The following RCL1 variants were observed in gnomAD, a reference collection of about 807,000 sequenced individuals.
RCL1 encodes the protein RNA 3'-terminal phosphate cyclase-like protein.
A neutral mutation model predicts 42.4 loss-of-function variants in RCL1; 24 were observed. The ratio of observed to expected loss-of-function variants is 0.57; its 90% CI spans 0.41 to 0.80. RCL1 has a LOEUF of 0.80. RCL1 is among the 30% of genes least tolerant of loss of function. The pLI is 0.00. For synonymous variants in RCL1, 228 were observed against 177.3 expected (o/e 1.29, Z -2.27); for missense variants, 578 against 467.9 (o/e 1.24, Z -2.17).
chr9:4,836,737 T>C (rs1817150013), intron 5 of RCL1: 2 of 152,338 alleles, frequency 1.3e-5, no homozygotes, highest in South Asian at 4.1e-4. Context: ...GTGGACTGTC[T>C]TTTCAGAGGC....
intron 2 of RCL1, among the ~76,000 whole-genome samples, chr9:4,826,597 A>G (rs1001953984): frequency 7.2e-5 from 11 of 152,118 alleles, no homozygotes; most frequent in African/African-American, 2.4e-4. Context: ...CCCTGCCATG[A>G]CTCTGGCAAC....
chr9:4,837,954 T>C (rs552796666), intron 5 of RCL1, among the ~76,000 whole-genome samples: 1 of 152,248 alleles, frequency 6.6e-6, no homozygotes, highest in Non-Finnish European at 1.5e-5. Context: ...GATCCCTGTC[T>C]GTTAACCAAA....
At chr9:4,796,436 C>A (rs148316353) in intron 1 of RCL1, among the ~76,000 whole-genome samples, 1 of 152,210 alleles carries the variant, frequency 6.6e-6, no homozygotes, top group African/African-American at 2.4e-5. Context: ...CAGAGTCTCA[C>A]TCTGTCATGA....
chr9:4,836,297 A>G (rs1271038806), intron 5 of RCL1, among the ~76,000 whole-genome samples: 2 of 152,104 alleles, frequency 1.3e-5, no homozygotes, highest in Non-Finnish European at 2.9e-5. Flanking sequence ...GGTGGGTCCT[A>G]CAGGAGGACA....
intron 1 of RCL1, among the ~76,000 whole-genome samples, chr9:4,810,096 A>G (rs1225319902): frequency 1.3e-5 from 2 of 152,126 alleles, no homozygotes; most frequent in African/African-American, 2.4e-5. Flanking sequence ...CCAAAGTGCT[A>G]AGATTACAGG....
intron 1 of RCL1, among the ~76,000 whole-genome samples, chr9:4,818,694 G>A (rs366182): frequency 0.39 from 59,702 of 151,758 alleles, 12,504 homozygotes; most frequent in South Asian, 0.48. Context: ...CATCCTGTCC[G>A]GCATGGTGAA....
At chr9:4,836,908 G>A (rs898801195) in intron 5 of RCL1, 10 of 152,126 alleles carry the variant, frequency 6.6e-5, no homozygotes, top group African/African-American at 2.4e-4. Flanking sequence ...TAATAACAAA[G>A]CCTTCCTGGG....
At chr9:4,835,208 A>G (rs1817081466) in intron 5 of RCL1, among the ~76,000 whole-genome samples, 1 of 152,238 alleles carries the variant, frequency 6.6e-6, no homozygotes, top group Non-Finnish European at 1.5e-5. Context: ...GGAATCAGAT[A>G]CTATGCAGAA....
chr9:4,854,095 C>T (rs1017359279), intron 8 of RCL1, among the ~76,000 whole-genome samples: 4 of 152,104 alleles, frequency 2.6e-5, no homozygotes, highest in Non-Finnish European at 5.9e-5. Flanking sequence ...ATGTTTGAGC[C>T]CTAGAACATA....
At chr9:4,830,483 T>C (rs926705171) in intron 3 of RCL1, among the ~76,000 whole-genome samples, 2 of 152,134 alleles carry the variant, frequency 1.3e-5, no homozygotes, top group African/African-American at 4.8e-5. Context: ...GGCAAGAGAA[T>C]AGAAAGTGGG....
intron 1 of RCL1, among the ~76,000 whole-genome samples, chr9:4,814,460 G>A (rs1816301256): frequency 6.6e-6 from 1 of 152,024 alleles, no homozygotes; most frequent in South Asian, 2.1e-4. Context: ...AGAGATGGCG[G>A]TCTCGCTTTG....
intron 3 of RCL1, among the ~76,000 whole-genome samples, chr9:4,831,313 T>A (rs1179111129): frequency 1.3e-5 from 2 of 152,192 alleles, no homozygotes; most frequent in Non-Finnish European, 2.9e-5. Flanking sequence ...TTTTTCACCT[T>A]TTTTTCCCTC....
chr9:4,835,388 C>G (rs181413500), intron 5 of RCL1, among the ~76,000 whole-genome samples: 13 of 152,282 alleles, frequency 8.5e-5, no homozygotes, highest in African/African-American at 3.1e-4. Context: ...GGGGGAAAAG[C>G]TGAGGGACTC....
At chr9:4,858,203 T>C (rs1818029899) in intron 8 of RCL1, among the ~76,000 whole-genome samples, 1 of 152,150 alleles carries the variant, frequency 6.6e-6, no homozygotes. Context: ...AGGTTATTTG[T>C]CTTTTTATTA....
At chr9:4,847,672 A>G (rs1441996104) in intron 7 of RCL1, among the ~76,000 whole-genome samples, 2 of 152,216 alleles carry the variant, frequency 1.3e-5, no homozygotes, top group Non-Finnish European at 2.9e-5. Context: ...TCATGTGCAC[A>G]GAGACCTTCA....
At chr9:4,819,752 A>C (rs1816524317) in intron 1 of RCL1, among the ~76,000 whole-genome samples, 1 of 152,242 alleles carries the variant, frequency 6.6e-6, no homozygotes, top group Non-Finnish European at 1.5e-5. Flanking sequence ...GGTTGCAGTG[A>C]GCCAAGATCG....
intron 8 of RCL1, among the ~76,000 whole-genome samples, chr9:4,856,606 C>T (rs1271901353): frequency 6.6e-6 from 1 of 152,126 alleles, no homozygotes; most frequent in African/African-American, 2.4e-5. Context: ...TTTAATTAGA[C>T]ACCATGAGCA....
At chr9:4,817,186 TTTA>T (rs1277846331) in intron 1 of RCL1, among the ~76,000 whole-genome samples, 2 of 152,186 alleles carry the variant, frequency 1.3e-5, no homozygotes, top group Admixed American at 1.3e-4. Flanking sequence ...ACCTTTTCTG[TTTA>T]TTATTTGAAA....
chr9:4,827,747 T>TGCAC lies in RCL1; in HGVS notation c.384+715_384+716insCACG, dbSNP rs767678265. On this transcript the variant is annotated intron_variant, in intron 3 of 8. Transcript: ENST00000381750. The stretch of plus-strand genomic sequence containing the variant: ...CTAGGATGAAGTGTGTGTGTGTGTG[T>TGCAC]GTGTGTGTGCACGCGTGTGTGTGTG... 5.0e-4 allele frequency among the ~76,000 whole-genome samples: 60 copies of TGCAC among 119,572 alleles called. 1 individual carries two copies. The highest frequency in any genetic ancestry group is 3.9e-4 in the Admixed American group (4 of 10,216). The allele number at this position is 119,572 out of a possible 152,430, so 78.4% of individuals were successfully genotyped here. A position where few individuals can be genotyped will look rare whatever the true frequency, so the allele number is the denominator to read the frequency against.
Sources: gnomAD v4.1 joint callset for allele counts (sites outside exome capture counted in the v4.1 genomes callset) on GRCh38, gnomAD v4.1.1 for gene constraint, MANE v1.5 for transcripts, NCBI Gene and HGNC (gene_info 2026-07-23, HGNC 2026-07-21) for gene names.